The following SLK variants were observed in gnomAD, a reference collection of about 807,000 sequenced individuals.
SLK encodes the protein STE20 like kinase.
In SLK, 67 loss-of-function variants were observed where a neutral mutation model predicts 147.7. That is an observed-to-expected ratio of 0.45 (90% CI 0.37 to 0.56). The LOEUF is 0.56. Ranked by LOEUF, SLK falls within the 20% of genes least tolerant of loss-of-function variation. The probability of loss-of-function intolerance (pLI) is 0.00; values close to 1 mark genes in which losing one functional copy is unlikely to be tolerated. For missense variants in SLK, 1,136 were observed against 1,438.8 expected, an observed-to-expected ratio of 0.79 and a Z score of 3.41; for synonymous variants, 441 against 475.0, an observed-to-expected ratio of 0.93 and a Z score of 0.93.
intron 1 of SLK, among the ~76,000 whole-genome samples, chr10:103,986,859 G>A: frequency 6.6e-6 from 1 of 151,914 alleles, no homozygotes; most frequent in Non-Finnish European, 1.5e-5. Flanking sequence ...TGTATTTTTA[G>A]TAGGAATGGG....
Position 104,001,549 on chromosome 10 carries a change from G to C in SLK, c.970G>C (p.Glu324Gln). Residue 324 changes from glutamate (E) to glutamine (Q), a missense_variant, in exon 8 of 19, where the codon GAG becomes CAG. Physicochemically the swap from Glu to Gln is conservative, Grantham distance 29. This residue lies in a region of SLK where 141 missense variants were observed against 219.3 expected (regional missense o/e 0.64). Transcript: ENST00000369755. The stretch of plus-strand genomic sequence containing the variant: ...TGAAGATGGCAAAGAGGAAGATGAA[G>C]AGGAGGAAACAGAAAATTCTCTGGT... ...EVEDGKEEDE[E>Q]EETENSLPIP... 6.2e-7 allele frequency: 1 copy of C among 1,613,842 alleles called. No homozygotes were observed. The highest frequency in any genetic ancestry group is 8.5e-7 in the Non-Finnish European group (1 of 1,179,784).
rs1438147512 is a variant in SLK, at chr10:104,017,860, A to G, written c.2878-300A>G. ...AATCAGTTTTAGAAGCTGCAAATTTACCATTCTCTCAAAGATGCTAGTGTA... is the reference window on the plus strand; with the variant it reads ...AATCAGTTTTAGAAGCTGCAAATTTGCCATTCTCTCAAAGATGCTAGTGTA... On this transcript the variant is annotated intron_variant, in intron 13 of 18. Coordinates refer to ENST00000369755, the MANE Select transcript of SLK (RefSeq NM_014720.4). 2.6e-5 allele frequency among the ~76,000 whole-genome samples: 4 copies of G among 152,210 alleles called. No homozygotes were observed. In the East Asian group the frequency reaches 7.7e-4, roughly 29 times the overall value.
At chr10:104,009,762 A>G (rs984375558) in intron 12 of SLK, among the ~76,000 whole-genome samples, 2 of 150,758 alleles carry the variant, frequency 1.3e-5, no homozygotes, top group African/African-American at 4.9e-5. Context: ...TGATATGCAT[A>G]TTTTAAATAA....
intron 13 of SLK, among the ~76,000 whole-genome samples, chr10:104,014,971 A>G (rs1460392536): frequency 2.6e-5 from 4 of 152,092 alleles, no homozygotes; most frequent in Admixed American, 2.0e-4. Flanking sequence ...ACCTGAAAGT[A>G]ATTTCTAATT....
At chr10:104,007,810 G>A (rs1486459979) in intron 11 of SLK, among the ~76,000 whole-genome samples, 3 of 127,390 alleles carry the variant, frequency 2.4e-5, no homozygotes, top group Non-Finnish European at 5.0e-5. Context: ...AAGATAAGTT[G>A]GTCATGGTGG....
At chr10:103,968,029 T>C in intron 1 of SLK, 134 bp downstream of exon 1, 1 of 902,774 alleles carries the variant, frequency 1.1e-6, no homozygotes, top group Non-Finnish European at 1.7e-6. Context: ...CAACTTTACT[T>C]GGCTGATCAT....
intron 13 of SLK, among the ~76,000 whole-genome samples, chr10:104,013,107 A>G (rs1844419820): frequency 6.6e-6 from 1 of 152,250 alleles, no homozygotes; most frequent in Non-Finnish European, 1.5e-5. Flanking sequence ...TATTAAAAGT[A>G]TTTCTATCTA....
chr10:103,995,345 T>A (rs1215063522), intron 4 of SLK, among the ~76,000 whole-genome samples: 1 of 152,034 alleles, frequency 6.6e-6, no homozygotes, highest in Non-Finnish European at 1.5e-5. Flanking sequence ...TTGACAGTTC[T>A]GAGATGTTTC....
chr10:104,020,429 A>G, intron 16 of SLK, 59 bp from the exon 17 acceptor site: 1 of 1,491,790 alleles, frequency 6.7e-7, no homozygotes, highest in Non-Finnish European at 9.1e-7. Context: ...TTATATCTTC[A>G]GAATATATAG....
intron 18 of SLK, among the ~76,000 whole-genome samples, chr10:104,023,888 A>G (rs805680): frequency 0.2 from 30,119 of 152,186 alleles, 3,195 homozygotes; most frequent in African/African-American, 0.26. Flanking sequence ...AGATGACTAC[A>G]TACCTGTTCA....
At chr10:103,982,267 G>C (rs1316824329) in intron 1 of SLK, among the ~76,000 whole-genome samples, 5 of 152,058 alleles carry the variant, frequency 3.3e-5, no homozygotes, top group Non-Finnish European at 7.4e-5. Flanking sequence ...TTATTACACA[G>C]TTGTGTTTGT....
intron 11 of SLK, among the ~76,000 whole-genome samples, chr10:104,006,811 G>C (rs916974795): frequency 2.4e-4 from 36 of 152,200 alleles, no homozygotes; most frequent in African/African-American, 8.7e-4. Flanking sequence ...GATTTCCTAA[G>C]AAAATAGTGA....
chr10:104,001,054 G>A (rs1256686277), intron 7 of SLK, among the ~76,000 whole-genome samples: 17 of 73,538 alleles, frequency 2.3e-4, no homozygotes, highest in African/African-American at 7.5e-4. Flanking sequence ...GTGAGACTCC[G>A]TCTCAAAAAA....
chr10:103,997,377 A>G (rs1844189115), intron 4 of SLK, among the ~76,000 whole-genome samples: 1 of 152,184 alleles, frequency 6.6e-6, no homozygotes, highest in African/African-American at 2.4e-5. Flanking sequence ...TAATACTGCT[A>G]TGAATGTTGG....
intron 1 of SLK, among the ~76,000 whole-genome samples, chr10:103,973,297 C>T (rs1206721233): frequency 6.6e-6 from 1 of 152,170 alleles, no homozygotes; most frequent in Non-Finnish European, 1.5e-5. Flanking sequence ...AAAAATAATT[C>T]CCCACTGCTC....
chr10:103,999,946 C>G lies in SLK; in HGVS notation c.862C>G (p.Gln288Glu). The change falls in exon 7 of 19, where the codon CAG (glutamine) becomes GAG (glutamate). Residue 288 changes from glutamine to glutamate, a missense_variant and splice_region_variant. Gln to Glu is a conservative substitution (Grantham distance 29). Around this residue, in one of 6 missense-constraint regions of SLK, gnomAD observed 141 missense variants for 219.3 expected, o/e 0.64. Coordinates refer to ENST00000369755, the MANE Select transcript of SLK (RefSeq NM_014720.4). Reference protein sequence around the residue: ...DARWTTSQLLQHPFVTVDSNK... With the variant: ...DARWTTSQLLEHPFVTVDSNK... ...CAGGTGGACTACATCTCAGCTGCTGCAGGTAAGAGAGTATGACAACAGCAA... is the reference window on the plus strand; with the variant it reads ...CAGGTGGACTACATCTCAGCTGCTGGAGGTAAGAGAGTATGACAACAGCAA... 2 of 1,447,868 alleles carry G rather than the reference C, an allele frequency of 1.4e-6. No homozygotes were observed. Among genetic ancestry groups the G allele is most frequent in the Non-Finnish European group, 1.9e-6 (2 of 1,047,436 alleles). 89.7% of individuals were successfully genotyped at this position (1,447,868 alleles called of 1,614,324 possible).
At chr10:103,999,804 G>A (rs1421180045) in intron 6 of SLK, 63 bp from the exon 7 acceptor site, 15 of 671,438 alleles carry the variant, frequency 2.2e-5, no homozygotes, top group East Asian at 2.2e-4. Context: ...ACTTATCAAA[G>A]AGTTTTGTTT....
chr10:104,011,251 A>C (rs805647), intron 13 of SLK, among the ~76,000 whole-genome samples: 34,505 of 152,118 alleles, frequency 0.23, 4,523 homozygotes, highest in African/African-American at 0.36. Flanking sequence ...TTAGGACATA[A>C]AAATAGAGGA....
At chr10:104,020,760 T>A in intron 17 of SLK, 147 bp downstream of exon 17, 1 of 753,630 alleles carries the variant, frequency 1.3e-6, no homozygotes, top group Non-Finnish European at 2.1e-6. Context: ...CAGATCCAAA[T>A]GAAGATCAGT....
Sources: allele counts gnomAD v4.1 joint callset (sites outside exome capture counted in the v4.1 genomes callset), GRCh38; gene constraint gnomAD v4.1.1; regional missense constraint gnomAD v4.1.1; transcripts MANE v1.5; gene names NCBI Gene and HGNC (gene_info 2026-07-23, HGNC 2026-07-21).